Variants in TTBK2 observed in about 807,000 individuals in gnomAD.
The protein encoded by TTBK2 is tau-tubulin kinase 2.
Under a neutral mutation model 110.8 loss-of-function variants are expected in TTBK2, and 28 were observed. The ratio of observed to expected loss-of-function variants is 0.25; its 90% CI spans 0.19 to 0.35. The LOEUF (loss-of-function observed/expected upper bound fraction) is 0.35. Ranked by LOEUF, TTBK2 falls within the 10% of genes least tolerant of loss-of-function variation. TTBK2 has a pLI of 1.00. For synonymous variants in TTBK2, 532 were observed against 527.3 expected, an observed-to-expected ratio of 1.01 and a Z score of -0.12; for missense variants, 1,369 against 1,500.3, an observed-to-expected ratio of 0.91 and a Z score of 1.45.
At chr15:42,796,594 TCTAGA>T (rs1168313341) in intron 9 of TTBK2, among the ~76,000 whole-genome samples, 1 of 152,216 alleles carries the variant, frequency 6.6e-6, no homozygotes, top group African/African-American at 2.4e-5. Context: ...AGTCTGGTAT[TCTAGA>T]CTAAAGTGAA....
intron 4 of TTBK2, among the ~76,000 whole-genome samples, chr15:42,834,097 TA>T (rs1892890061): frequency 6.9e-6 from 1 of 144,048 alleles, no homozygotes; most frequent in East Asian, 2.1e-4. Context: ...GAAGGTGTGG[TA>T]AGAGGATCAC....
At chr15:42,844,433 C>T (rs1893364607) in intron 3 of TTBK2, among the ~76,000 whole-genome samples, 1 of 152,106 alleles carries the variant, frequency 6.6e-6, no homozygotes, top group Non-Finnish European at 1.5e-5. Flanking sequence ...GGGGCACATG[C>T]CTGTAGTCCC....
intron 13 of TTBK2, among the ~76,000 whole-genome samples, chr15:42,758,960 G>A (rs568340611): frequency 1.3e-5 from 2 of 152,172 alleles, no homozygotes; most frequent in Non-Finnish European, 2.9e-5. Context: ...ACCCACCCAT[G>A]AGCCAAGCTG....
intron 1 of TTBK2, among the ~76,000 whole-genome samples, chr15:42,899,126 G>A (rs8028731): frequency 0.4 from 60,948 of 151,670 alleles, 14,335 homozygotes; most frequent in African/African-American, 0.66. Context: ...CTGAGAAGCT[G>A]CAACCACAGG....
chr15:42,892,571 TGG>T (rs1895500061), intron 1 of TTBK2, among the ~76,000 whole-genome samples: 1 of 150,908 alleles, frequency 6.6e-6, no homozygotes, highest in Non-Finnish European at 1.5e-5. Context: ...GCCAGGTGTG[TGG>T]CACTCATCTG....
intron 10 of TTBK2, among the ~76,000 whole-genome samples, chr15:42,784,438 G>C (rs1027323090): frequency 6.6e-6 from 1 of 151,830 alleles, no homozygotes; most frequent in African/African-American, 2.4e-5. Flanking sequence ...CCACCACACT[G>C]GGCTATTTTT....
intron 1 of TTBK2, chr15:42,920,002 GCAAA>G (rs1050622233): frequency 1.3e-5 from 2 of 159,312 alleles, no homozygotes; most frequent in East Asian, 1.9e-4. Context: ...TTACAACACA[GCAAA>G]CAGATTCAGT....
intron 11 of TTBK2, among the ~76,000 whole-genome samples, chr15:42,781,264 G>A (rs962740222): frequency 6.6e-6 from 1 of 151,876 alleles, no homozygotes; most frequent in Non-Finnish European, 1.5e-5. Context: ...TTAATCACCT[G>A]GCAGATGTAA....
intron 13 of TTBK2, among the ~76,000 whole-genome samples, chr15:42,764,436 G>A (rs148494580): frequency 2.6e-5 from 4 of 152,352 alleles, no homozygotes; most frequent in East Asian, 3.9e-4. Context: ...CTTAGCAAAC[G>A]GCACACCAGG....
chr15:42,802,367 T>C, intron 9 of TTBK2: 3 of 764,322 alleles, frequency 3.9e-6, no homozygotes, highest in South Asian at 1.3e-5. Context: ...GGGCCAGAGG[T>C]GGACACCTTG....
At chr15:42,885,264 T>C (rs1895196982) in intron 1 of TTBK2, among the ~76,000 whole-genome samples, 1 of 152,162 alleles carries the variant, frequency 6.6e-6, no homozygotes. Context: ...CGTGAAGAGA[T>C]CTACCTATCA....
chr15:42,754,085 C>CTTTT (rs68057465), intron 13 of TTBK2, among the ~76,000 whole-genome samples: 1 of 132,230 alleles, frequency 7.6e-6, no homozygotes, highest in African/African-American at 3.0e-5. Flanking sequence ...CTAATGTTTT[C>CTTTT]TTTTTTTTTT....
At chr15:42,827,792 A>G in intron 6 of TTBK2, 136 bp downstream of exon 6, 1 of 736,658 alleles carries the variant, frequency 1.4e-6, no homozygotes, top group South Asian at 1.7e-5. Flanking sequence ...GTCATTCTAT[A>G]ATTTAATCAT....
chr15:42,840,315 G>C (rs1187539455), intron 4 of TTBK2, 45 bp downstream of exon 4: 1 of 1,493,762 alleles, frequency 6.7e-7, no homozygotes, highest in South Asian at 1.1e-5. Context: ...TGTATACTTT[G>C]ATCAAAACTG....
chr15:42,796,473 A>C (rs920299516), intron 9 of TTBK2, among the ~76,000 whole-genome samples: 4 of 152,170 alleles, frequency 2.6e-5, no homozygotes, highest in Non-Finnish European at 5.9e-5. Flanking sequence ...AAGAATAGAG[A>C]GCAAAAGATC....
chr15:42,904,874 A>T lies in TTBK2; in HGVS notation c.-68+15564T>A, dbSNP rs1347067133. 7.6e-5 allele frequency among the ~76,000 whole-genome samples: 11 copies of T among 145,462 alleles called. No homozygotes were observed. In the Admixed American group the frequency reaches 7.7e-4, roughly 10 times the overall value. On this transcript the variant is annotated intron_variant, in intron 1 of 14. Transcript: ENST00000267890. The stretch of plus-strand genomic sequence containing the variant: ...AAAATGAGACATCAAACTGTATATA[A>T]TTTTTTTTTTTTTTTGACGCAGGGT...
intron 10 of TTBK2, among the ~76,000 whole-genome samples, chr15:42,790,288 A>AT (rs5812234): frequency 0.68 from 98,411 of 144,408 alleles, 34,141 homozygotes; most frequent in Middle Eastern, 0.82. Context: ...TTCTTTGTCT[A>AT]TTTTTTTTTT....
intron 14 of TTBK2, among the ~76,000 whole-genome samples, chr15:42,749,157 T>C (rs2061833691): frequency 6.6e-6 from 1 of 152,182 alleles, no homozygotes; most frequent in Non-Finnish European, 1.5e-5. Context: ...CTCCCAAAAC[T>C]ATTAAGCAAA....
intron 1 of TTBK2, among the ~76,000 whole-genome samples, chr15:42,916,532 G>A (rs549460923): frequency 1.3e-5 from 2 of 152,180 alleles, no homozygotes; most frequent in South Asian, 4.2e-4. Context: ...TCGCCACGTT[G>A]GCCAGACTTG....
Sources: allele counts gnomAD v4.1 joint callset (sites outside exome capture counted in the v4.1 genomes callset), GRCh38; gene constraint gnomAD v4.1.1; transcripts MANE v1.5; gene names NCBI Gene and HGNC (gene_info 2026-07-23, HGNC 2026-07-21).